The following GRM3 variants were observed in gnomAD, a reference collection of about 807,000 sequenced individuals.
GRM3 encodes the protein glutamate metabotropic receptor 3, also known as metabotropic glutamate receptor 3.
Under a neutral mutation model 70.5 loss-of-function variants are expected in GRM3, and 26 were observed. The observed-to-expected ratio is 0.37, with a 90% CI of 0.27 to 0.51. GRM3 has a LOEUF of 0.51. GRM3 is among the 20% of genes least tolerant of loss of function. The pLI, the probability that GRM3 is intolerant of heterozygous loss-of-function variation, is 0.93. For missense variants in GRM3, 859 were observed against 1,123.8 expected, an observed-to-expected ratio of 0.76 and a Z score of 3.37; for synonymous variants, 443 against 434.9, an observed-to-expected ratio of 1.02 and a Z score of -0.23.
At chr7:86,841,506 G>T (rs940216313) in intron 4 of GRM3, among the ~76,000 whole-genome samples, 1 of 151,992 alleles carries the variant, frequency 6.6e-6, no homozygotes, top group African/African-American at 2.4e-5. Context: ...TCTATCTTTT[G>T]TCTTTATATA....
intron 2 of GRM3, among the ~76,000 whole-genome samples, chr7:86,769,344 G>A (rs1436641674): frequency 6.6e-6 from 1 of 152,134 alleles, no homozygotes; most frequent in Non-Finnish European, 1.5e-5. Flanking sequence ...AATTCCTGCT[G>A]TCTGATTATA....
At chr7:86,851,653 A>C (rs146296796) in intron 5 of GRM3, among the ~76,000 whole-genome samples, 1 of 152,264 alleles carries the variant, frequency 6.6e-6, no homozygotes, top group Non-Finnish European at 1.5e-5. Context: ...TACAGAATTT[A>C]ACAGGGCAGC....
chr7:86,765,470 T>C lies in GRM3; in HGVS notation c.325T>C (p.Ser109Pro). The change falls in exon 2 of 6, where the codon TCA becomes CCA. Residue 109 changes from serine (S) to proline (P), a missense_variant. Ser to Pro is a moderately conservative substitution (Grantham distance 74). Transcript: ENST00000361669. ...AAGGGATACCTATGCATTGGAGCAATCACTGGAGTTTGTCAGGGCATCTTT... is the reference window on the plus strand; with the variant it reads ...AAGGGATACCTATGCATTGGAGCAACCACTGGAGTTTGTCAGGGCATCTTT... ...CSRDTYALEQ[S>P]LEFVRASLTK... 1 of 1,613,964 alleles carries C rather than the reference T, an allele frequency of 6.2e-7. No homozygotes were observed. Among genetic ancestry groups the C allele is most frequent in the Non-Finnish European group, 8.5e-7 (1 of 1,179,894 alleles).
rs532412950 is a variant in GRM3 at position 86,807,041 on chromosome 7, A to G, written c.1324+19925A>G. 5.8e-5 allele frequency among the ~76,000 whole-genome samples: 5 copies of G among 86,130 alleles called. 1 individual carries two copies. Among genetic ancestry groups the G allele is most frequent in the Non-Finnish European group, 1.1e-4 (5 of 46,304 alleles). 56.5% of individuals were successfully genotyped at this position (86,130 alleles called of 152,430 possible). A position where few individuals can be genotyped will look rare whatever the true frequency, so the allele number is the denominator to read the frequency against. ...TTCTTGTTTTTGTCAGGTTTGTCAA[A>G]GGTCAGATGGTTGTAGATGTGTGGT... is the stretch of plus-strand genomic sequence containing the variant. On this transcript the variant is annotated intron_variant, in intron 3 of 5. Transcript: ENST00000361669.
At chr7:86,811,323 T>C (rs924575244) in intron 3 of GRM3, among the ~76,000 whole-genome samples, 2 of 151,832 alleles carry the variant, frequency 1.3e-5, no homozygotes, top group African/African-American at 2.4e-5. Context: ...AAGAGTCAAC[T>C]TTTGAACCTT....
At chr7:86,682,088 C>T (rs928273471) in intron 1 of GRM3, among the ~76,000 whole-genome samples, 1 of 152,140 alleles carries the variant, frequency 6.6e-6, no homozygotes, top group African/African-American at 2.4e-5. Context: ...CAATTCTTAT[C>T]CTTAAACAGT....
intron 3 of GRM3, among the ~76,000 whole-genome samples, chr7:86,806,940 G>T (rs1797805901): frequency 6.7e-6 from 1 of 149,598 alleles, no homozygotes; most frequent in Non-Finnish European, 1.5e-5. Flanking sequence ...TAAGGAGGGG[G>T]TCCAGTTTCA....
chr7:86,732,599 G>A (rs1795760046), intron 1 of GRM3, among the ~76,000 whole-genome samples: 1 of 152,128 alleles, frequency 6.6e-6, no homozygotes, highest in Admixed American at 6.5e-5. Context: ...ATGTTCCAAG[G>A]ATTAACTAAG....
At chr7:86,734,608 T>C (rs1419727585) in intron 1 of GRM3, among the ~76,000 whole-genome samples, 1 of 152,226 alleles carries the variant, frequency 6.6e-6, no homozygotes, top group African/African-American at 2.4e-5. Flanking sequence ...TCTCTCAGCA[T>C]GCAGCCTCAA....
intron 2 of GRM3, among the ~76,000 whole-genome samples, chr7:86,768,256 C>T (rs1029537889): frequency 6.6e-6 from 1 of 152,086 alleles, no homozygotes; most frequent in Non-Finnish European, 1.5e-5. Context: ...CCTTATGTCC[C>T]TAAAATTATA....
chr7:86,815,179 A>G (rs1166691241), intron 3 of GRM3, among the ~76,000 whole-genome samples: 1 of 151,724 alleles, frequency 6.6e-6, no homozygotes, highest in East Asian at 1.9e-4. Context: ...AAAAAGAACA[A>G]TTTGCGTCAA....
At chr7:86,727,479 G>C (rs1406822733) in intron 1 of GRM3, among the ~76,000 whole-genome samples, 1 of 152,122 alleles carries the variant, frequency 6.6e-6, no homozygotes, top group Non-Finnish European at 1.5e-5. Flanking sequence ...TGAGCATAAA[G>C]CTCTTCTGGC....
At chr7:86,746,341 T>TTATATATATATATA (rs59930404) in intron 1 of GRM3, among the ~76,000 whole-genome samples, 139 of 87,366 alleles carry the variant, frequency 1.6e-3, no homozygotes, top group Non-Finnish European at 1.8e-3. Context: ...CAGTCATGTA[T>TTATATATATATATA]TATATATATA....
At chr7:86,819,967 A>G (rs1798087317) in intron 3 of GRM3, among the ~76,000 whole-genome samples, 3 of 152,168 alleles carry the variant, frequency 2.0e-5, no homozygotes, top group African/African-American at 7.2e-5. Flanking sequence ...CTACCTTTCC[A>G]AAAAGCTTCT....
intron 4 of GRM3, among the ~76,000 whole-genome samples, chr7:86,842,189 A>T (rs1265097039): frequency 6.6e-6 from 1 of 152,168 alleles, no homozygotes; most frequent in East Asian, 1.9e-4. Flanking sequence ...GGTAACTCTG[A>T]TTTGCAGCCA....
intron 1 of GRM3, among the ~76,000 whole-genome samples, chr7:86,683,113 G>A (rs1447394000): frequency 6.6e-6 from 1 of 152,136 alleles, no homozygotes; most frequent in East Asian, 1.9e-4. Context: ...GATGAGCCAT[G>A]GTAGGTTTTG....
At chr7:86,708,970 TA>T (rs540630986) in intron 1 of GRM3, among the ~76,000 whole-genome samples, 214 of 151,698 alleles carry the variant, frequency 1.4e-3, no homozygotes, top group Non-Finnish European at 1.8e-3. Flanking sequence ...CAAACAGAGT[TA>T]AAAAAAATCT....
In GRM3 at chr7:86,748,537, C is replaced by T. The variant is rs571202130; in HGVS notation, c.-140-16469C>T. ...CCTAAAATAGAAATACCTGAATAAT[C>T]CCCTTCCCCAGGGACTCCGATATTT... On this transcript the variant is annotated intron_variant, in intron 1 of 5. Transcript: ENST00000361669. 2.6e-3 allele frequency among the ~76,000 whole-genome samples: 389 copies of T among 152,058 alleles called. 11 individuals carry two copies. Among genetic ancestry groups the T allele is most frequent in the Non-Finnish European group, 3.5e-3 (237 of 67,946 alleles).
chr7:86,644,936 G>C, intron 1 of GRM3, 64 bp downstream of exon 1: 1 of 896,968 alleles, frequency 1.1e-6, no homozygotes, highest in East Asian at 6.2e-5. Flanking sequence ...GGAAGCTCGG[G>C]TGCCGCGTGG....
Sources: gnomAD v4.1 joint callset for allele counts (sites outside exome capture counted in the v4.1 genomes callset) on GRCh38, gnomAD v4.1.1 for gene constraint, MANE v1.5 for transcripts, NCBI Gene and HGNC (gene_info 2026-07-23, HGNC 2026-07-21) for gene names.